The following RANBP17 variants were observed in gnomAD, a reference collection of about 807,000 sequenced individuals.
RANBP17 encodes the protein ran-binding protein 17.
A neutral mutation model predicts 141.2 loss-of-function variants in RANBP17; 158 were observed. The observed-to-expected ratio is 1.12, with a 90% CI of 0.98 to 1.28. RANBP17 has a LOEUF of 1.28. RANBP17 is among the 50% of genes most tolerant of loss of function. The pLI is 0.00. For missense variants in RANBP17, 1,438 were observed against 1,290.7 expected, an observed-to-expected ratio of 1.11 and a Z score of -1.75; for synonymous variants, 430 against 450.0, an observed-to-expected ratio of 0.96 and a Z score of 0.56.
intron 20 of RANBP17, among the ~76,000 whole-genome samples, chr5:171,211,092 A>G (rs570031618): frequency 6.6e-6 from 1 of 151,572 alleles, no homozygotes; most frequent in South Asian, 2.1e-4. Flanking sequence ...ACATCTATCA[A>G]AAATAACAGC....
chr5:170,875,127 C>G (rs937368942), intron 1 of RANBP17, among the ~76,000 whole-genome samples: 3 of 152,162 alleles, frequency 2.0e-5, no homozygotes, highest in African/African-American at 7.2e-5. Context: ...GTTGAAAATT[C>G]TTGACTTTAA....
chr5:171,033,169 A>G lies in RANBP17; in HGVS notation c.1710+64792A>G, dbSNP rs571254799. Among the ~76,000 whole-genome samples the G allele has an allele frequency of 1.2e-4, 18 of 147,564 alleles. No homozygotes were observed. The South Asian group carries it at 3.2e-3, about 26-fold the overall frequency. ...TTGTGAGATGAGACGTTTTACTGCTACTAAGCCTACCATTTCTGAGGGTAG... is the reference window on the plus strand; with the variant it reads ...TTGTGAGATGAGACGTTTTACTGCTGCTAAGCCTACCATTTCTGAGGGTAG... On this transcript the variant is annotated intron_variant, in intron 14 of 27. Coordinates refer to ENST00000523189, the MANE Select transcript of RANBP17 (RefSeq NM_022897.5).
intron 1 of RANBP17, among the ~76,000 whole-genome samples, chr5:170,874,806 T>TG (rs1041675625): frequency 6.6e-6 from 1 of 152,230 alleles, no homozygotes; most frequent in Non-Finnish European, 1.5e-5. Context: ...GTCTTTTTAT[T>TG]GGGGCATTTA....
intron 13 of RANBP17, among the ~76,000 whole-genome samples, chr5:170,965,274 G>A (rs1213848237): frequency 3.3e-5 from 5 of 150,166 alleles, no homozygotes; most frequent in African/African-American, 7.3e-5. Context: ...ATTTGTTTGA[G>A]TTCATTGTAG....
chr5:170,956,138 ACC>A (rs1480020482), intron 13 of RANBP17, among the ~76,000 whole-genome samples: 3 of 151,750 alleles, frequency 2.0e-5, no homozygotes, highest in African/African-American at 7.3e-5. Flanking sequence ...TGCCAATCCT[ACC>A]CTCTACTGAT....
chr5:171,040,564 T>G (rs1234692968), intron 14 of RANBP17, among the ~76,000 whole-genome samples: 3 of 152,102 alleles, frequency 2.0e-5, no homozygotes, highest in Admixed American at 6.6e-5. Context: ...AGGTGAGATA[T>G]GAAGTTTTGG....
At chr5:171,233,265 A>C (rs1581083124) in intron 22 of RANBP17, among the ~76,000 whole-genome samples, 1 of 152,224 alleles carries the variant, frequency 6.6e-6, no homozygotes, top group East Asian at 1.9e-4. Context: ...TCTAAGTCCC[A>C]GAGAGTGAAA....
chr5:171,048,209 C>T (rs1240016435), intron 14 of RANBP17, among the ~76,000 whole-genome samples: 2 of 152,000 alleles, frequency 1.3e-5, no homozygotes, highest in Non-Finnish European at 2.9e-5. Context: ...ACCACAGGTG[C>T]ACTACACACC....
At chr5:170,936,857 A>G (rs1355116605) in intron 12 of RANBP17, among the ~76,000 whole-genome samples, 1 of 152,150 alleles carries the variant, frequency 6.6e-6, no homozygotes, top group Non-Finnish European at 1.5e-5. Flanking sequence ...AATTCCTTAA[A>G]TTTTTGTATC....
intron 14 of RANBP17, among the ~76,000 whole-genome samples, chr5:171,127,983 C>T (rs1756617179): frequency 6.6e-6 from 1 of 152,046 alleles, no homozygotes; most frequent in Admixed American, 6.6e-5. Context: ...ACGGTGAAAC[C>T]CCGTCTCTAC....
chr5:170,972,783 T>G (rs1777086747), intron 14 of RANBP17, among the ~76,000 whole-genome samples: 1 of 152,188 alleles, frequency 6.6e-6, no homozygotes. Flanking sequence ...GTTGCCTTCC[T>G]AAGTGTTATA....
chr5:171,199,206 A>C (rs1762153027), intron 18 of RANBP17, among the ~76,000 whole-genome samples: 1 of 152,180 alleles, frequency 6.6e-6, no homozygotes, highest in Non-Finnish European at 1.5e-5. Context: ...TTATTTGATA[A>C]ATTAATTAAA....
At chr5:171,054,033 T>A (rs1783174991) in intron 14 of RANBP17, among the ~76,000 whole-genome samples, 1 of 151,528 alleles carries the variant, frequency 6.6e-6, no homozygotes, top group Non-Finnish European at 1.5e-5. Context: ...CTACTTAAAA[T>A]CTATGTATTC....
At chr5:171,186,596 G>A (rs1219156213) in intron 18 of RANBP17, among the ~76,000 whole-genome samples, 4 of 123,290 alleles carry the variant, frequency 3.2e-5, no homozygotes, top group Admixed American at 9.5e-5. Context: ...GAGTGCAGTG[G>A]TGCGATCTCG....
intron 5 of RANBP17, chr5:170,903,851 C>A (rs1479441470): frequency 3.5e-5 from 16 of 458,402 alleles, no homozygotes; most frequent in Non-Finnish European, 6.4e-5. Flanking sequence ...ACCTAACAAG[C>A]TCCGCAAGAT....
chr5:171,003,136 G>T (rs1237045815), intron 14 of RANBP17, among the ~76,000 whole-genome samples: 1 of 152,162 alleles, frequency 6.6e-6, no homozygotes, highest in Non-Finnish European at 1.5e-5. Context: ...AAACAGTAAG[G>T]TCAATTGTTT....
In RANBP17 at chr5:170,894,486, T is replaced by TATATATATATATATATA. The variant is rs376342999; in HGVS notation, c.424-1564_424-1563insATATATATATATATATA. Among the ~76,000 whole-genome samples, 864 of 133,186 alleles carry TATATATATATATATATA rather than the reference T, an allele frequency of 6.5e-3. 47 individuals carry two copies. Among genetic ancestry groups the TATATATATATATATATA allele is most frequent in the African/African-American group, 0.016 (542 of 34,156 alleles). The allele number at this position is 133,186 out of a possible 152,430, so 87.4% of individuals were successfully genotyped here. ...CCATAGAATAGTTAGTACGTGTTTT[T>TATATATATATATATATA]TATATATATATATATATATATGGCT... On this transcript the variant is annotated intron_variant, in intron 4 of 27. Transcript: ENST00000523189.
At chr5:171,004,634 G>A (rs546053336) in intron 14 of RANBP17, among the ~76,000 whole-genome samples, 4 of 152,322 alleles carry the variant, frequency 2.6e-5, no homozygotes, top group South Asian at 2.1e-4. Flanking sequence ...CTTCCAAGGC[G>A]ATGGGCAGCA....
intron 26 of RANBP17, among the ~76,000 whole-genome samples, chr5:171,294,195 C>T (rs1768679282): frequency 6.6e-6 from 1 of 152,158 alleles, no homozygotes; most frequent in Non-Finnish European, 1.5e-5. Flanking sequence ...AAAACGAGTG[C>T]TTCTGGAGCC....
Sources: gnomAD v4.1 joint callset for allele counts (sites outside exome capture counted in the v4.1 genomes callset) on GRCh38, gnomAD v4.1.1 for gene constraint, MANE v1.5 for transcripts, NCBI Gene and HGNC (gene_info 2026-07-23, HGNC 2026-07-21) for gene names.